MARCHF7: variants seen among roughly 807,000 people sequenced by gnomAD.
MARCHF7 encodes E3 ubiquitin-protein ligase MARCHF7.
A neutral mutation model predicts 76.5 loss-of-function variants in MARCHF7; 20 were observed. The observed-to-expected ratio is 0.26, with a 90% CI of 0.18 to 0.38. The LOEUF (loss-of-function observed/expected upper bound fraction) is 0.38, where lower values mean the gene tolerates loss of function less well. Ranked by LOEUF, MARCHF7 falls within the 10% of genes least tolerant of loss-of-function variation. MARCHF7 has a pLI of 1.00. For missense variants in MARCHF7, 797 were observed against 812.9 expected (o/e 0.98, Z 0.24); for synonymous variants, 295 against 293.0 (o/e 1.01, Z -0.07).
At position 159,748,745 on chromosome 2, in the gene MARCHF7, G is replaced by C; in HGVS notation, c.1455G>C (p.Arg485=). 6.2e-7 allele frequency: 1 copy of C among 1,614,146 alleles called. No homozygotes were observed. The highest frequency in any genetic ancestry group is 8.5e-7 in the Non-Finnish European group (1 of 1,180,034). Residue 485 remains arginine (R), a synonymous_variant, in exon 7 of 12, where the codon CGG becomes CGC. Coordinates refer to ENST00000409175, the MANE Select transcript of MARCHF7 (RefSeq NM_001282805.2). The stretch of plus-strand genomic sequence containing the variant: ...GGATTCTTCCTGGTTCCTTATTCCG[G>C]TTTGCAGTCCCTCCAGCACTTGGGA... ...ISGILPGSLF[R]FAVPPALGSN...
chr2:159,734,480 A>G (rs1349649669), intron 4 of MARCHF7, among the ~76,000 whole-genome samples: 3 of 152,218 alleles, frequency 2.0e-5, no homozygotes, highest in Non-Finnish European at 1.5e-5. Flanking sequence ...TTAAACAAGA[A>G]AATGAAAACA....
chr2:159,748,462 G>C lies in MARCHF7; in HGVS notation c.1172G>C (p.Arg391Thr), dbSNP rs1366251150. The C allele has an allele frequency of 6.2e-7, 1 of 1,614,140 alleles. No homozygotes were observed. The highest frequency in any genetic ancestry group is 8.5e-7 in the Non-Finnish European group (1 of 1,180,024). Residue 391 changes from arginine (R) to threonine (T), a missense_variant, in exon 7 of 12, where the codon AGA becomes ACA. Arg to Thr is a moderately conservative substitution (Grantham distance 71). Around this residue, in one of 3 missense-constraint regions of MARCHF7, gnomAD observed 643 missense variants for 631.5 expected, o/e 1.02. Coordinates refer to ENST00000409175, the MANE Select transcript of MARCHF7 (RefSeq NM_001282805.2). ...NTGPWLSSSL[R>T]NRCTPLFSRR... is the part of the protein sequence containing the mutation. ...GGACCATGGTTATCTTCCTCACTTA[G>C]AAATAGATGCACACCTTTGTTCTCT... is the stretch of plus-strand genomic sequence containing the variant.
At chr2:159,766,098 CAAAT>C (rs1211768661) in intron 11 of MARCHF7, among the ~76,000 whole-genome samples, 3 of 152,102 alleles carry the variant, frequency 2.0e-5, no homozygotes, top group Non-Finnish European at 4.4e-5. Context: ...TGTCCATACT[CAAAT>C]AAGCATGAAA....
At chr2:159,722,008 T>C (rs1402346567) in intron 3 of MARCHF7, among the ~76,000 whole-genome samples, 1 of 152,192 alleles carries the variant, frequency 6.6e-6, no homozygotes, top group Non-Finnish European at 1.5e-5. Flanking sequence ...GAAAAGACCA[T>C]TTCATTGACC....
chr2:159,747,959 A>T lies in MARCHF7; in HGVS notation c.669A>T (p.Arg223Ser), dbSNP rs772355894. The change falls in exon 7 of 12, where the codon AGA becomes AGT. Residue 223 changes from arginine to serine, a missense_variant. This residue lies in a region of MARCHF7 where 643 missense variants were observed against 631.5 expected (regional missense o/e 1.02). Coordinates refer to ENST00000409175, the MANE Select transcript of MARCHF7 (RefSeq NM_001282805.2). ...CTAGGGACTCCAGAAATTCTTTAAG[A>T]TCAAATTTTTCTTCAAGAGAATCAG... ...LSSRDSRNSL[R>S]SNFSSRESES... 1.2e-5 allele frequency: 20 copies of T among 1,613,976 alleles called. No homozygotes were observed. Among genetic ancestry groups the T allele is most frequent in the African/African-American group, 2.7e-5 (2 of 74,922 alleles).
intron 5 of MARCHF7, among the ~76,000 whole-genome samples, chr2:159,744,992 G>A (rs1211488746): frequency 6.6e-6 from 1 of 152,154 alleles, no homozygotes; most frequent in Non-Finnish European, 1.5e-5. Flanking sequence ...AAAAAATCAA[G>A]CAACTGTGGT....
At chr2:159,764,775 C>A in intron 11 of MARCHF7, 101 bp downstream of exon 11, 2 of 732,996 alleles carry the variant, frequency 2.7e-6, no homozygotes, top group Non-Finnish European at 2.2e-6. Context: ...AATTAGAGCT[C>A]ATTTATAGGC....
At chr2:159,721,353 A>G (rs888043271) in intron 3 of MARCHF7, among the ~76,000 whole-genome samples, 1 of 152,200 alleles carries the variant, frequency 6.6e-6, no homozygotes, top group African/African-American at 2.4e-5. Context: ...GCAAGCCCAC[A>G]GGTTTGTGAG....
intron 4 of MARCHF7, among the ~76,000 whole-genome samples, chr2:159,730,553 T>G (rs898576189): frequency 5.3e-5 from 8 of 152,228 alleles, no homozygotes; most frequent in African/African-American, 1.9e-4. Context: ...TATTTTATTT[T>G]AAACTGCAGC....
At chr2:159,729,243 GT>G in intron 4 of MARCHF7, 68 bp downstream of exon 4, 2 of 1,151,754 alleles carry the variant, frequency 1.7e-6, no homozygotes, top group Non-Finnish European at 2.3e-6. Context: ...TCTTTTGGGG[GT>G]ATTTAAAAAA....
intron 8 of MARCHF7, among the ~76,000 whole-genome samples, chr2:159,757,991 A>T (rs181293448): frequency 5.3e-4 from 81 of 152,326 alleles, no homozygotes; most frequent in African/African-American, 1.9e-3. Context: ...TTTTACTCTT[A>T]AAAAATTCTG....
chr2:159,742,991 G>A, intron 4 of MARCHF7, 70 bp from the exon 5 acceptor site: 2 of 1,299,136 alleles, frequency 1.5e-6, no homozygotes, highest in South Asian at 1.4e-5. Context: ...GAATTTATTA[G>A]AGGACTGTGG....
chr2:159,729,259 T>A, intron 4 of MARCHF7, 84 bp downstream of exon 4: 2 of 1,009,094 alleles, frequency 2.0e-6, no homozygotes, highest in South Asian at 2.6e-5. Flanking sequence ...AAAAAATGTG[T>A]TAGCTGGATC....
At chr2:159,718,927 C>CT (rs1210703130) in intron 3 of MARCHF7, among the ~76,000 whole-genome samples, 1 of 152,090 alleles carries the variant, frequency 6.6e-6, no homozygotes, top group Non-Finnish European at 1.5e-5. Flanking sequence ...ATACCGTCAG[C>CT]CACACTGCTC....
intron 5 of MARCHF7, among the ~76,000 whole-genome samples, chr2:159,743,800 T>TGAG (rs1276631318): frequency 6.6e-6 from 1 of 150,974 alleles, no homozygotes; most frequent in East Asian, 1.9e-4. Flanking sequence ...CCCAGCCACT[T>TGAG]GAGGGGCTGA....
At chr2:159,717,720 G>A (rs1701193878) in intron 3 of MARCHF7, among the ~76,000 whole-genome samples, 1 of 151,990 alleles carries the variant, frequency 6.6e-6, no homozygotes, top group Non-Finnish European at 1.5e-5. Context: ...GCAAATAATT[G>A]TTGCCCTCAA....
intron 3 of MARCHF7, among the ~76,000 whole-genome samples, chr2:159,720,561 T>G (rs1701524309): frequency 6.6e-6 from 1 of 152,238 alleles, no homozygotes. Context: ...ACCCTATTTT[T>G]TTTCTCTCAT....
chr2:159,745,055 G>A (rs538235561), intron 5 of MARCHF7, among the ~76,000 whole-genome samples: 2 of 152,228 alleles, frequency 1.3e-5, no homozygotes, highest in South Asian at 4.1e-4. Flanking sequence ...TCCCTTTCCG[G>A]ATGCCTTTGA....
chr2:159,761,027 AT>A (rs34380779), intron 9 of MARCHF7, among the ~76,000 whole-genome samples: 383 of 139,822 alleles, frequency 2.7e-3, no homozygotes, highest in Admixed American at 4.8e-3. Context: ...TAACCATTTA[AT>A]TTTTTTTTTT....
Sources: gnomAD v4.1 joint callset for allele counts (sites outside exome capture counted in the v4.1 genomes callset) on GRCh38, gnomAD v4.1.1 for gene constraint, gnomAD v4.1.1 regional missense constraint, MANE v1.5 for transcripts, NCBI Gene and HGNC (gene_info 2026-07-23, HGNC 2026-07-21) for gene names.